The following PARG variants were observed in gnomAD, a reference collection of about 807,000 sequenced individuals.
The protein encoded by PARG is mitochondrial poly(ADP-ribose) glycohydrolase.
A neutral mutation model predicts 113.0 loss-of-function variants in PARG; 35 were observed. The ratio of observed to expected loss-of-function variants is 0.31; its 90% CI spans 0.24 to 0.41. The LOEUF (loss-of-function observed/expected upper bound fraction) is 0.41, where lower values mean the gene tolerates loss of function less well. Ranked by LOEUF, PARG falls within the 10% of genes least tolerant of loss-of-function variation. The probability of loss-of-function intolerance (pLI) is 1.00; values close to 1 mark genes in which losing one functional copy is unlikely to be tolerated. For synonymous variants in PARG, 330 were observed against 409.9 expected (o/e 0.81, Z 2.36); for missense variants, 797 against 1,169.4 (o/e 0.68, Z 4.64).
chr10:49,861,952 T>A (rs1419425655), intron 11 of PARG, among the ~76,000 whole-genome samples: 1 of 151,948 alleles, frequency 6.6e-6, no homozygotes, highest in African/African-American at 2.4e-5. Flanking sequence ...TACAAAATAT[T>A]AAAAAAATTA....
At chr10:49,905,235 G>C (rs1410396643) in intron 7 of PARG, among the ~76,000 whole-genome samples, 1 of 152,308 alleles carries the variant, frequency 6.6e-6, no homozygotes, top group Non-Finnish European at 1.5e-5. Context: ...AGTAGGAGCA[G>C]ACTGATAGTG....
chr10:49,910,499 CCA>C (rs1837113765), intron 7 of PARG, among the ~76,000 whole-genome samples: 1 of 151,916 alleles, frequency 6.6e-6, no homozygotes, highest in South Asian at 2.1e-4. Context: ...CCTTTACCAG[CCA>C]CAGATGCAAA....
chr10:49,819,650 C>T (rs1265524677), intron 17 of PARG, among the ~76,000 whole-genome samples, 156 bp from the exon 18 acceptor site: 1 of 152,144 alleles, frequency 6.6e-6, no homozygotes, highest in Non-Finnish European at 1.5e-5. Context: ...AAGGCTTTCC[C>T]AACATAAATT....
chr10:49,897,543 T>C (rs1848147893), intron 7 of PARG, among the ~76,000 whole-genome samples: 1 of 152,224 alleles, frequency 6.6e-6, no homozygotes, highest in Non-Finnish European at 1.5e-5. Flanking sequence ...TTTAAACATC[T>C]TGTGGCCCCC....
chr10:49,820,214 T>C lies in PARG; in HGVS notation c.2727A>G (p.Arg909=). The change falls in exon 17 of 18, where the codon AGA becomes AGG. Residue 909 remains arginine, a synonymous_variant. Coordinates refer to ENST00000616448, the MANE Select transcript of PARG (RefSeq NM_003631.5). ...GGAAAATGTGCATGCTGTAAATGTC[T>C]CTCATCAATTCTGAGTCCCCAAAGG... is the stretch of plus-strand genomic sequence containing the variant. ...YFTFGDSELM[R]DIYSMHIFLT... 1.3e-6 allele frequency: 2 copies of C among 1,545,242 alleles called. No homozygotes were observed. Among genetic ancestry groups the C allele is most frequent in the South Asian group, 1.2e-5 (1 of 83,922 alleles).
At position 49,841,976 on chromosome 10, in the gene PARG, C is replaced by G; in HGVS notation, c.2515G>C (p.Glu839Gln). The change falls in exon 15 of 18, where the codon GAG (glutamate) becomes CAG (glutamine). Residue 839 changes from glutamate (E) to glutamine (Q), a missense_variant. Around this residue, in one of 5 missense-constraint regions of PARG, gnomAD observed 194 missense variants for 247.1 expected, o/e 0.79. Coordinates refer to ENST00000616448, the MANE Select transcript of PARG (RefSeq NM_003631.5). ...FRRYLDQFVP[E>Q]KMRRELNKAY... ...TTGTTCAGCTCGCGTCTCATTTTCT[C>G]AGGCACAAACTGATCGAGGTAGCGT... The G allele has an allele frequency of 6.5e-7, 1 of 1,549,194 alleles. No homozygotes were observed.
At chr10:49,838,528 C>T (rs1021438518) in intron 15 of PARG, among the ~76,000 whole-genome samples, 18 of 150,586 alleles carry the variant, frequency 1.2e-4, no homozygotes, top group African/African-American at 3.7e-4. Context: ...ACCTGGCCTG[C>T]GACAAATTAC....
chr10:49,887,860 A>G (rs1477821653), intron 7 of PARG, among the ~76,000 whole-genome samples: 7 of 152,224 alleles, frequency 4.6e-5, no homozygotes, highest in Admixed American at 1.3e-4. Flanking sequence ...GTCTTTTAAT[A>G]GATGAATTTA....
chr10:49,820,229 G>A lies in PARG; in HGVS notation c.2712C>T (p.Asp904=), dbSNP rs757681793. The A allele has an allele frequency of 3.2e-6, 5 of 1,541,892 alleles. No individual in the cohort carries two copies. The Admixed American group carries it at 9.8e-5, about 30-fold the overall frequency. The part of the protein sequence containing the change: ...ERDVVYFTFG[D]SELMRDIYSM... Reference sequence around the variant, plus strand: ...TGTAAATGTCTCTCATCAATTCTGAGTCCCCAAAGGTGAAATAAACCACAT... The same window carrying A: ...TGTAAATGTCTCTCATCAATTCTGAATCCCCAAAGGTGAAATAAACCACAT... Residue 904 remains aspartate (D), a synonymous_variant, in exon 17 of 18, where the codon GAC becomes GAT. Coordinates refer to ENST00000616448, the MANE Select transcript of PARG (RefSeq NM_003631.5).
At chr10:49,832,275 C>T (rs1304776558) in intron 16 of PARG, among the ~76,000 whole-genome samples, 1 of 152,212 alleles carries the variant, frequency 6.6e-6, no homozygotes, top group Non-Finnish European at 1.5e-5. Flanking sequence ...CTCCCACAGC[C>T]CCATGGGCCT....
intron 7 of PARG, among the ~76,000 whole-genome samples, chr10:49,907,921 T>C (rs546893300): frequency 8.5e-5 from 13 of 152,208 alleles, no homozygotes; most frequent in Non-Finnish European, 1.9e-4. Context: ...GAATAACTTC[T>C]ACTGCTATTT....
rs1838516490 is a variant in PARG, at chr10:49,932,138, G to A, written c.1417C>T (p.Leu473Phe). Residue 473 changes from leucine (L) to phenylalanine (F), a missense_variant, in exon 4 of 18, where the codon CTC becomes TTC. Leu to Phe is a conservative substitution (Grantham distance 22, BLOSUM62 0). Coordinates refer to ENST00000616448, the MANE Select transcript of PARG (RefSeq NM_003631.5). ...GTGTGATTGGCAGATGGTCTCAAGA[G>A]AGGCAGCCGGATCCCACACCGAGGC... is the stretch of plus-strand genomic sequence containing the variant. ...RMPRCGIRLP[L>F]LRPSANHTVT... 4 of 1,605,738 alleles carry A rather than the reference G, an allele frequency of 2.5e-6. No individual in the cohort carries two copies. The highest frequency in any genetic ancestry group is 2.2e-5 in the East Asian group (1 of 44,848).
At chr10:49,910,713 T>C (rs1837126244) in intron 7 of PARG, among the ~76,000 whole-genome samples, 1 of 152,236 alleles carries the variant, frequency 6.6e-6, no homozygotes, top group Admixed American at 6.5e-5. Flanking sequence ...CTTAAGAAGT[T>C]TGCTATATAA....
At chr10:49,893,875 T>G (rs1490968082) in intron 7 of PARG, among the ~76,000 whole-genome samples, 4 of 151,892 alleles carry the variant, frequency 2.6e-5, no homozygotes, top group Non-Finnish European at 5.9e-5. Flanking sequence ...TTTTTTTGTA[T>G]TTTTAGTAAA....
intron 16 of PARG, among the ~76,000 whole-genome samples, chr10:49,831,627 C>A (rs1844669492): frequency 6.6e-6 from 1 of 152,174 alleles, no homozygotes; most frequent in Non-Finnish European, 1.5e-5. Flanking sequence ...TCAATGAAAT[C>A]TTTGGTCACC....
intron 10 of PARG, among the ~76,000 whole-genome samples, chr10:49,866,125 G>GATTT (rs1459253101): frequency 1.3e-5 from 2 of 151,698 alleles, no homozygotes; most frequent in Admixed American, 6.6e-5. Context: ...TTTCTAGTCA[G>GATTT]ATTTATTTAT....
intron 7 of PARG, among the ~76,000 whole-genome samples, chr10:49,914,388 G>A (rs1226894885): frequency 6.6e-6 from 1 of 152,148 alleles, no homozygotes; most frequent in South Asian, 2.1e-4. Context: ...TTAGATTCAA[G>A]GATATCTGAG....
At chr10:49,822,248 G>A (rs1190581304) in intron 16 of PARG, among the ~76,000 whole-genome samples, 1 of 152,070 alleles carries the variant, frequency 6.6e-6, no homozygotes, top group African/African-American at 2.4e-5. Context: ...GTGTGTATGT[G>A]TGTGTATGCA....
chr10:49,913,268 G>C (rs2664451), intron 7 of PARG, among the ~76,000 whole-genome samples: 55 of 151,462 alleles, frequency 3.6e-4, no homozygotes, highest in African/African-American at 9.2e-4. Flanking sequence ...TAAGTACACT[G>C]ATAATGACAG....
Sources: gnomAD v4.1 joint callset for allele counts (sites outside exome capture counted in the v4.1 genomes callset) on GRCh38, gnomAD v4.1.1 for gene constraint, gnomAD v4.1.1 regional missense constraint, MANE v1.5 for transcripts, NCBI Gene and HGNC (gene_info 2026-07-23, HGNC 2026-07-21) for gene names.